NKAIN2: variants seen among roughly 807,000 people sequenced by gnomAD.
The protein encoded by NKAIN2 is sodium/potassium transporting ATPase interacting 2, also known as sodium/potassium-transporting ATPase subunit beta-1-interacting protein 2.
In NKAIN2, 14 loss-of-function variants were observed where a neutral mutation model predicts 32.6. The observed-to-expected ratio is 0.43, with a 90% CI of 0.28 to 0.67. The LOEUF (loss-of-function observed/expected upper bound fraction) is 0.67, where lower values mean the gene tolerates loss of function less well. NKAIN2 is among the 30% of genes least tolerant of loss of function. The pLI, the probability that NKAIN2 is intolerant of heterozygous loss-of-function variation, is 0.17. For synonymous variants in NKAIN2, 80 were observed against 87.2 expected, an observed-to-expected ratio of 0.92 and a Z score of 0.46; for missense variants, 198 against 258.3, an observed-to-expected ratio of 0.77 and a Z score of 1.60.
intron 1 of NKAIN2, among the ~76,000 whole-genome samples, chr6:124,269,464 CTTTTTCTTTTTTTTTTT>C (rs1361645135): frequency 1.4e-5 from 2 of 139,232 alleles, no homozygotes; most frequent in African/African-American, 5.3e-5. Context: ...TTTTTTTTTT[CTTTTTCTTTTTTTTTTT>C]CTGGAGACAT....
At chr6:124,084,049 T>A (rs1049282867) in intron 1 of NKAIN2, among the ~76,000 whole-genome samples, 2 of 151,984 alleles carry the variant, frequency 1.3e-5, no homozygotes, top group African/African-American at 4.8e-5. Flanking sequence ...CATAGTTATA[T>A]CTAGGGTGAA....
intron 5 of NKAIN2, among the ~76,000 whole-genome samples, chr6:124,815,180 T>C (rs922279960): frequency 4.8e-5 from 7 of 146,836 alleles, no homozygotes; most frequent in Non-Finnish European, 1.0e-4. Flanking sequence ...AACAGGAATT[T>C]AGACACTATC....
At chr6:124,722,682 G>A (rs898125698) in intron 4 of NKAIN2, among the ~76,000 whole-genome samples, 1 of 152,168 alleles carries the variant, frequency 6.6e-6, no homozygotes. Flanking sequence ...CTCCTCCTCT[G>A]AGGCCCAGTT....
At chr6:124,818,531 C>G (rs142800239) in intron 6 of NKAIN2, 63 bp downstream of exon 6, 3 of 693,558 alleles carry the variant, frequency 4.3e-6, no homozygotes, top group Non-Finnish European at 7.3e-6. Context: ...AACTGTATCA[C>G]GATACAAAAT....
chr6:124,452,321 G>T (rs1055326697), intron 3 of NKAIN2, among the ~76,000 whole-genome samples: 1 of 151,956 alleles, frequency 6.6e-6, no homozygotes, highest in Non-Finnish European at 1.5e-5. Context: ...CAGAGCATTG[G>T]TCAACAAAGT....
chr6:124,210,754 C>T (rs1791130756), intron 1 of NKAIN2, among the ~76,000 whole-genome samples: 1 of 150,898 alleles, frequency 6.6e-6, no homozygotes, highest in African/African-American at 2.4e-5. Context: ...TTGACCACTG[C>T]TGGCATATAG....
intron 1 of NKAIN2, among the ~76,000 whole-genome samples, chr6:124,119,528 G>A (rs533453286): frequency 6.6e-6 from 1 of 152,224 alleles, no homozygotes; most frequent in South Asian, 2.1e-4. Flanking sequence ...CATAGTTTGG[G>A]CCCTAAAGAA....
chr6:124,418,944 G>T (rs1774622502), intron 3 of NKAIN2, among the ~76,000 whole-genome samples: 1 of 152,004 alleles, frequency 6.6e-6, no homozygotes. Context: ...TTTCTTACAT[G>T]CTTTGCAAAA....
rs192429491 is a variant in NKAIN2, at chr6:124,645,809, G to T, written c.274-12377G>T. On this transcript the variant is annotated intron_variant, in intron 3 of 6. Coordinates refer to ENST00000368417, the MANE Select transcript of NKAIN2 (RefSeq NM_001040214.3). Reference sequence around the variant, plus strand: ...GTCATCCTCACTGGCTGTTCCCAGTGTTGGGAATTCTCTTTCTCATCTTTG... The same window carrying T: ...GTCATCCTCACTGGCTGTTCCCAGTTTTGGGAATTCTCTTTCTCATCTTTG... 1.5e-4 allele frequency among the ~76,000 whole-genome samples: 23 copies of T among 152,288 alleles called. No homozygotes were observed. In the East Asian group the frequency reaches 4.3e-3, roughly 28 times the overall value.
intron 3 of NKAIN2, among the ~76,000 whole-genome samples, chr6:124,473,901 C>T (rs1777077365): frequency 6.6e-6 from 1 of 152,156 alleles, no homozygotes; most frequent in Non-Finnish European, 1.5e-5. Flanking sequence ...GTGCAAACAA[C>T]TGCTAAAGCA....
intron 2 of NKAIN2, among the ~76,000 whole-genome samples, chr6:124,349,458 C>G (rs1186773848): frequency 1.3e-5 from 2 of 152,094 alleles, no homozygotes; most frequent in Non-Finnish European, 2.9e-5. Flanking sequence ...AGTTTTGCAT[C>G]CTAGTAGAAA....
intron 3 of NKAIN2, among the ~76,000 whole-genome samples, chr6:124,586,646 G>T (rs546238655): frequency 5.9e-5 from 9 of 151,342 alleles, no homozygotes; most frequent in African/African-American, 9.7e-5. Context: ...TTAAAAAAAA[G>T]TTCAGTACAT....
At chr6:124,742,879 A>G (rs1280315114) in intron 4 of NKAIN2, among the ~76,000 whole-genome samples, 1 of 151,932 alleles carries the variant, frequency 6.6e-6, no homozygotes, top group Non-Finnish European at 1.5e-5. Flanking sequence ...ACTTTTTGTA[A>G]AGATGATGGA....
At chr6:124,168,302 T>A (rs1788675080) in intron 1 of NKAIN2, among the ~76,000 whole-genome samples, 1 of 152,130 alleles carries the variant, frequency 6.6e-6, no homozygotes, top group Non-Finnish European at 1.5e-5. Flanking sequence ...ATCAGAATGA[T>A]CATACTTTAA....
At chr6:123,932,434 T>TTTTTTTC (rs1481221049) in intron 1 of NKAIN2, among the ~76,000 whole-genome samples, 6 of 91,838 alleles carry the variant, frequency 6.5e-5, no homozygotes, top group Non-Finnish European at 1.1e-4. Flanking sequence ...TTTTTTTTTT[T>TTTTTTTC]GAGAAAGAGT....
At chr6:124,819,020 C>T in intron 6 of NKAIN2, 1 of 223,726 alleles carries the variant, frequency 4.5e-6, no homozygotes, top group Non-Finnish European at 7.5e-6. Context: ...ATTTATCGAA[C>T]CCTTAACTCT....
intron 1 of NKAIN2, among the ~76,000 whole-genome samples, chr6:124,089,467 A>G (rs2114924570): frequency 6.6e-6 from 1 of 151,900 alleles, no homozygotes; most frequent in Non-Finnish European, 1.5e-5. Context: ...TGCTATTTTA[A>G]CCTAGAACCC....
chr6:123,904,706 T>C (rs556958015), intron 1 of NKAIN2, among the ~76,000 whole-genome samples: 5 of 152,236 alleles, frequency 3.3e-5, no homozygotes, highest in Non-Finnish European at 7.3e-5. Context: ...CATACTTGTT[T>C]TGACGTCTAA....
At chr6:124,117,665 AAAAG>A (rs999307953) in intron 1 of NKAIN2, among the ~76,000 whole-genome samples, 298 of 152,192 alleles carry the variant, frequency 2.0e-3, no homozygotes, top group African/African-American at 6.9e-3. Context: ...TAATAATAAA[AAAAG>A]AAAATATGTA....
Sources: gnomAD v4.1 joint callset for allele counts (sites outside exome capture counted in the v4.1 genomes callset) on GRCh38, gnomAD v4.1.1 for gene constraint, MANE v1.5 for transcripts, NCBI Gene and HGNC (gene_info 2026-07-23, HGNC 2026-07-21) for gene names.